TNFSF14: variants seen among roughly 807,000 people sequenced by gnomAD.
TNFSF14 encodes the protein tumor necrosis factor ligand superfamily member 14.
A neutral mutation model predicts 22.7 loss-of-function variants in TNFSF14; 15 were observed. The ratio of observed to expected loss-of-function variants is 0.66; its 90% confidence interval spans 0.44 to 1.02. The LOEUF (loss-of-function observed/expected upper bound fraction) is 1.02, where lower values mean the gene tolerates loss of function less well. Ranked by LOEUF, TNFSF14 falls within the 50% of genes least tolerant of loss-of-function variation. The probability of loss-of-function intolerance (pLI) is 0.00; values close to 1 mark genes in which losing one functional copy is unlikely to be tolerated. For synonymous variants in TNFSF14, 133 were observed against 139.6 expected (o/e 0.95, Z 0.33); for missense variants, 287 against 326.2 (o/e 0.88, Z 0.93).
At chr19:6,665,497 C>A in intron 3 of TNFSF14, 147 bp from the exon 4 acceptor site, 1 of 901,372 alleles carries the variant, frequency 1.1e-6, no homozygotes, top group South Asian at 1.9e-5. Context: ...CACCCTCCGC[C>A]TCCCAGGTTC....
At position 6,669,940 on chromosome 19, in the gene TNFSF14, G is replaced by A; in HGVS notation, c.130C>T (p.Leu44=). The change falls in exon 1 of 4, where the codon CTG becomes TTG. Residue 44 remains leucine (L), a synonymous_variant. Transcript: ENST00000675206. ...GCCAGCCCGGCCCCCATCAGCAACAGCAAGAGACCCAGACCCACCCGGGCC... is the reference window on the plus strand; with the variant it reads ...GCCAGCCCGGCCCCCATCAGCAACAACAAGAGACCCAGACCCACCCGGGCC... ...SVARVGLGLL[L]LLMGAGLAVQ... 3 of 1,613,994 alleles carry A rather than the reference G, an allele frequency of 1.9e-6. No individual in the cohort carries two copies. The highest frequency in any genetic ancestry group is 2.5e-6 in the Non-Finnish European group (3 of 1,180,004).
chr19:6,669,104 T>C (rs1917515519), intron 1 of TNFSF14, among the ~76,000 whole-genome samples: 1 of 152,048 alleles, frequency 6.6e-6, no homozygotes, highest in Non-Finnish European at 1.5e-5. Flanking sequence ...GGCGGACACA[T>C]CCACAGCCAG....
upstream of TNFSF14, chr19:6,670,373 T>C: frequency 1.1e-6 from 1 of 908,738 alleles, no homozygotes; most frequent in Non-Finnish European, 1.4e-6. Flanking sequence ...TCTTGGATGC[T>C]TCATTCGCTT....
In TNFSF14 at chr19:6,667,113, C is replaced by T; in HGVS notation, c.298G>A (p.Gly100Arg). Reference sequence around the variant, plus strand: ...TGCCAGGATCCAGGGTCCCTCTCACCTGTGAGATGCGCTGCTGGGTTGACC... The same window carrying T: ...TGCCAGGATCCAGGGTCCCTCTCACTTGTGAGATGCGCTGCTGGGTTGACC... ...HEVNPAAHLTGANSSLTGSGG... is the reference protein window; with the variant it reads ...HEVNPAAHLTRANSSLTGSGG... Residue 100 changes from glycine (G) to arginine (R), a missense_variant and splice_region_variant, in exon 3 of 4, where the codon GGG becomes AGG. Physicochemically the swap from Gly to Arg is moderately radical, Grantham distance 125. Coordinates refer to ENST00000675206, the MANE Select transcript of TNFSF14 (RefSeq NM_001376887.1). 1 of 1,607,512 alleles carries T rather than the reference C, an allele frequency of 6.2e-7. No homozygotes were observed. The highest frequency in any genetic ancestry group is 8.5e-7 in the Non-Finnish European group (1 of 1,177,860).
At chr19:6,665,576 T>C (rs990897860) in intron 3 of TNFSF14, among the ~76,000 whole-genome samples, 3 of 152,116 alleles carry the variant, frequency 2.0e-5, no homozygotes, top group African/African-American at 7.2e-5. Context: ...ACCCAGTTAC[T>C]TTTTGTAGTT....
chr19:6,664,945 A>G lies in TNFSF14; in HGVS notation c.704T>C (p.Phe235Ser). ...CTTCCTTCACACCATGAAAGCCCCG[A>G]AGTAAGACCGGGTACCATCACGCAG... ...VRLRDGTRSY[F>S]GAFMV is the part of the protein sequence containing the mutation. The change falls in exon 4 of 4, where the codon TTC becomes TCC. Residue 235 changes from phenylalanine to serine, a missense_variant. Phe to Ser is a radical substitution (Grantham distance 155). Coordinates refer to ENST00000675206, the MANE Select transcript of TNFSF14 (RefSeq NM_001376887.1). This position sits in a 1 kb window ranked among gnomAD's most constrained non-coding sequence, Gnocchi z 4.7. 4 of 1,598,346 alleles carry G rather than the reference A, an allele frequency of 2.5e-6. No homozygotes were observed. The highest frequency in any genetic ancestry group is 3.4e-6 in the Non-Finnish European group (4 of 1,168,390).
chr19:6,670,239 G>A (rs570620339), upstream of TNFSF14: 11 of 1,434,202 alleles, frequency 7.7e-6, no homozygotes, highest in African/African-American at 1.4e-5. Flanking sequence ...CTCTTCTTCC[G>A]GTACCCGCCG....
In TNFSF14 at chr19:6,664,917, C is replaced by T; in HGVS notation, c.*9G>A. ...TCAGACCCATGTCCAATGCACCACG[C>T]TCCTTCCTTCACACCATGAAAGCCC... On this transcript the variant is annotated 3_prime_UTR_variant, in exon 4 of 4. Transcript: ENST00000675206. This position sits in a 1 kb window ranked among gnomAD's most constrained non-coding sequence, Gnocchi z 4.7. 1.3e-6 allele frequency: 2 copies of T among 1,575,582 alleles called. No homozygotes were observed.
rs540404018 is a variant in TNFSF14, at chr19:6,669,793, A to G, written c.219+58T>C. On this transcript the variant is annotated intron_variant, in intron 1 of 3. Transcript: ENST00000675206. Reference sequence around the variant, plus strand: ...ACACACAGACACACAGTGACCCACAATGACACAGGGGAGCCCCCCTCACCT... The same window carrying G: ...ACACACAGACACACAGTGACCCACAGTGACACAGGGGAGCCCCCCTCACCT... 4 of 1,585,100 alleles carry G rather than the reference A, an allele frequency of 2.5e-6. No individual in the cohort carries two copies. The South Asian group carries it at 4.5e-5, about 18-fold the overall frequency.
At position 6,665,331 on chromosome 19, in the gene TNFSF14, G is replaced by C; in HGVS notation, c.318C>G (p.Thr106=). 6.3e-7 allele frequency: 1 copy of C among 1,587,612 alleles called. No individual in the cohort carries two copies. The highest frequency in any genetic ancestry group is 8.6e-7 in the Non-Finnish European group (1 of 1,167,158). Residue 106 remains threonine (T), a synonymous_variant, in exon 4 of 4, where the codon ACC becomes ACG. Transcript: ENST00000675206. The part of the protein sequence containing the change: ...AHLTGANSSL[T]GSGGPLLWET... ...CCCATAACAGCGGCCCCCCGCTGCC[G>C]GTCAAGCTGGAGTTGGCCCCTGTTG... is the stretch of plus-strand genomic sequence containing the variant.
In TNFSF14 at chr19:6,665,087, C is replaced by G; in HGVS notation, c.562G>C (p.Gly188Arg). 1 of 1,614,044 alleles carries G rather than the reference C, an allele frequency of 6.2e-7. No homozygotes were observed. Among genetic ancestry groups the G allele is most frequent in the Non-Finnish European group, 8.5e-7 (1 of 1,179,934 alleles). Residue 188 changes from glycine (G) to arginine (R), a missense_variant, in exon 4 of 4, where the codon GGA becomes CGA. Gly to Arg is a moderately radical substitution (Grantham distance 125). Transcript: ENST00000675206. ...ACCCGGGAGCTGCTGGTGGCCCGTC[C>G]GCAGGGTGACTGCTGGCTGACCAAC... ...ELLVSQQSPC[G>R]RATSSSRVWW...
rs949133617 is a variant in TNFSF14 at position 6,663,535 on chromosome 19, T to G, written c.*1391A>C. 2.6e-5 allele frequency: 4 copies of G among 152,798 alleles called. No homozygotes were observed. Among genetic ancestry groups the G allele is most frequent in the Middle Eastern group, 3.4e-3 (1 of 294 alleles). The allele number at this position is 152,798 out of a possible 1,614,324, so 9.5% of individuals were successfully genotyped here. The stretch of plus-strand genomic sequence containing the variant: ...TGTGTAACCAGGTCTGACTATAACT[T>G]GGTCTGTCTGTGTCTAATGTAATGA... On this transcript the variant is annotated 3_prime_UTR_variant, in exon 4 of 4. Coordinates refer to ENST00000675206, the MANE Select transcript of TNFSF14 (RefSeq NM_001376887.1).
chr19:6,663,892 C>G lies in TNFSF14; in HGVS notation c.*1034G>C, dbSNP rs116502110. 1 of 152,178 alleles carries G rather than the reference C, an allele frequency of 6.6e-6. No homozygotes were observed. Among genetic ancestry groups the G allele is most frequent in the Admixed American group, 6.6e-5 (1 of 15,260 alleles). 9.4% of individuals were successfully genotyped at this position (152,178 alleles called of 1,614,324 possible). ...TTGTGCCAGGCCCTGGGCCGGATGC[C>G]GGGGACAGATCCGTGGTGTCCTATT... On this transcript the variant is annotated 3_prime_UTR_variant, in exon 4 of 4. Transcript: ENST00000675206.
upstream of TNFSF14, chr19:6,670,331 G>A: frequency 7.8e-7 from 1 of 1,285,702 alleles, no homozygotes; most frequent in Non-Finnish European, 1.0e-6. Flanking sequence ...GACTCAGGTG[G>A]CAAGTGCAGT....
Position 6,669,904 on chromosome 19 carries a change from A to G in TNFSF14, c.166T>C (p.Trp56Arg). 6.2e-7 allele frequency: 1 copy of G among 1,613,802 alleles called. No homozygotes were observed. The highest frequency in any genetic ancestry group is 8.5e-7 in the Non-Finnish European group (1 of 1,179,952). The change falls in exon 1 of 4, where the codon TGG (tryptophan) becomes CGG (arginine). Residue 56 changes from tryptophan (W) to arginine (R), a missense_variant. Transcript: ENST00000675206. ...CGCCAGTGCAGCTGCAGGAGGAACC[A>G]GCCTTGGACGGCCAGCCCGGCCCCC... ...LMGAGLAVQG[W>R]FLLQLHWRLG... is the part of the protein sequence containing the mutation.
rs751495758 is a variant in TNFSF14 at position 6,665,134 on chromosome 19, C to T, written c.515G>A (p.Arg172His). The T allele has an allele frequency of 8.7e-6, 14 of 1,613,854 alleles. No individual in the cohort carries two copies. Among genetic ancestry groups the T allele is most frequent in the Admixed American group, 6.7e-5 (4 of 59,994 alleles). The change falls in exon 4 of 4, where the codon CGC (arginine) becomes CAC (histidine). Residue 172 changes from arginine to histidine, a missense_variant. Transcript: ENST00000675206. ...ITHGLYKRTP[R>H]YPEELELLVS... ...CAACAGCTCCAGCTCCTCGGGGTAG[C>T]GGGGTGTGCGCTTGTAGAGGCCGTG...
chr19:6,666,575 A>G (rs1917433846), intron 3 of TNFSF14, among the ~76,000 whole-genome samples: 4 of 152,168 alleles, frequency 2.6e-5, no homozygotes, highest in Admixed American at 1.3e-4. Context: ...ATAACACAGC[A>G]TAAGCACTAT....
At position 6,665,185 on chromosome 19, in the gene TNFSF14, G is replaced by A. The variant is rs377184644; in HGVS notation, c.464C>T (p.Pro155Leu). The A allele has an allele frequency of 1.8e-5, 29 of 1,613,900 alleles. No individual in the cohort carries two copies. Among genetic ancestry groups the A allele is most frequent in the South Asian group, 7.7e-5 (7 of 91,070 alleles). The change falls in exon 4 of 4, where the codon CCG becomes CTG. Residue 155 changes from proline (P) to leucine (L), a missense_variant. Transcript: ENST00000675206. ...GGTGATGGTGCTGGCCAGGCCCAGC[G>A]GGCAGCCCACACCGCCCAGCTGCAC... ...SKVQLGGVGC[P>L]LGLASTITHG...
At chr19:6,667,218 G>T in intron 2 of TNFSF14, 64 bp from the exon 3 acceptor site, 1 of 1,492,362 alleles carries the variant, frequency 6.7e-7, no homozygotes, top group Non-Finnish European at 8.9e-7. Context: ...GCCTCCTAAA[G>T]GGCCACCGTG....
Sources: allele counts gnomAD v4.1 joint callset (sites outside exome capture counted in the v4.1 genomes callset), GRCh38; gene constraint gnomAD v4.1.1; non-coding constraint Gnocchi (gnomAD v3.1); transcripts MANE v1.5; gene names NCBI Gene and HGNC (gene_info 2026-07-23, HGNC 2026-07-21).